The following SCIN variants were observed in gnomAD, a reference collection of about 807,000 sequenced individuals.
SCIN encodes scinderin.
In SCIN, 91 loss-of-function variants were observed where a neutral mutation model predicts 91.8. The ratio of observed to expected loss-of-function variants is 0.99; its 90% confidence interval spans 0.84 to 1.18. The LOEUF (loss-of-function observed/expected upper bound fraction) is 1.18. Ranked by LOEUF, SCIN falls within the 50% of genes most tolerant of loss-of-function variation. SCIN has a pLI of 0.00. For missense variants in SCIN, 1,087 were observed against 863.9 expected (o/e 1.26, Z -3.24); for synonymous variants, 367 against 312.6 (o/e 1.17, Z -1.84).
chr7:12,640,785 G>A (rs1242537278), intron 11 of SCIN, among the ~76,000 whole-genome samples: 1 of 152,176 alleles, frequency 6.6e-6, no homozygotes, highest in Admixed American at 6.5e-5. Context: ...GCTGTCAAAA[G>A]CGTGAGGCTG....
intron 14 of SCIN, among the ~76,000 whole-genome samples, chr7:12,650,874 G>A (rs763038215): frequency 1.3e-5 from 2 of 151,990 alleles, no homozygotes; most frequent in Non-Finnish European, 2.9e-5. Flanking sequence ...AGGGAGTCTG[G>A]GATCACCCAC....
intron 4 of SCIN, among the ~76,000 whole-genome samples, chr7:12,612,425 T>C (rs1001245884): frequency 2.6e-5 from 4 of 152,194 alleles, no homozygotes; most frequent in Non-Finnish European, 4.4e-5. Flanking sequence ...AGAGATGAAC[T>C]ATCAGAGATA....
At chr7:12,582,654 T>C (rs965398408) in intron 3 of SCIN, among the ~76,000 whole-genome samples, 1 of 152,184 alleles carries the variant, frequency 6.6e-6, no homozygotes, top group African/African-American at 2.4e-5. Flanking sequence ...CTTTTCAACT[T>C]CAATAGCTAA....
At chr7:12,592,227 C>T (rs907257696) in intron 3 of SCIN, among the ~76,000 whole-genome samples, 2 of 151,892 alleles carry the variant, frequency 1.3e-5, no homozygotes, top group South Asian at 4.2e-4. Flanking sequence ...TTGGTAGCGA[C>T]GAGAGAGAGA....
chr7:12,613,678 G>A (rs1243175396), intron 4 of SCIN, among the ~76,000 whole-genome samples: 2 of 152,042 alleles, frequency 1.3e-5, no homozygotes, highest in African/African-American at 4.8e-5. Context: ...TATCAGAATT[G>A]CTGTTATGTT....
Position 12,651,775 on chromosome 7 carries a change from A to G in SCIN, c.1960-66A>G. 1 of 1,021,644 alleles carries G rather than the reference A, an allele frequency of 9.8e-7. No individual in the cohort carries two copies. The highest frequency in any genetic ancestry group is 1.4e-5 in the South Asian group (1 of 69,902). The allele number at this position is 1,021,644 out of a possible 1,614,324, so 63.3% of individuals were successfully genotyped here. Reference sequence around the variant, plus strand: ...GAGCAATGTGTGTGTGAAGCACTTTACATAGGGCCTAGCACTGAGTCAACA... The same window carrying G: ...GAGCAATGTGTGTGTGAAGCACTTTGCATAGGGCCTAGCACTGAGTCAACA... On this transcript the variant is annotated intron_variant, in intron 14 of 15. Coordinates refer to ENST00000297029, the MANE Select transcript of SCIN (RefSeq NM_001112706.3). The surrounding 1 kb of genome is among the most constrained non-coding windows in gnomAD (Gnocchi z 5.9).
intron 13 of SCIN, among the ~76,000 whole-genome samples, chr7:12,648,849 A>G (rs1784018456): frequency 6.6e-6 from 1 of 152,202 alleles, no homozygotes; most frequent in Non-Finnish European, 1.5e-5. Flanking sequence ...GCTTGAGGAT[A>G]GCCACCCAGA....
At chr7:12,634,342 G>A (rs111435021) in intron 9 of SCIN, among the ~76,000 whole-genome samples, 6,376 of 151,950 alleles carry the variant, frequency 0.042, 157 homozygotes, top group African/African-American at 0.071. Context: ...AAAATTAGCC[G>A]GGCATAGTGG....
intron 4 of SCIN, among the ~76,000 whole-genome samples, chr7:12,616,375 G>C (rs1216293024): frequency 6.6e-6 from 1 of 151,924 alleles, no homozygotes; most frequent in Non-Finnish European, 1.5e-5. Context: ...AGTGAGTTTG[G>C]CCCCTTCTTG....
intron 14 of SCIN, among the ~76,000 whole-genome samples, chr7:12,650,678 A>G (rs1476212554): frequency 6.6e-6 from 1 of 152,152 alleles, no homozygotes; most frequent in Admixed American, 6.5e-5. Flanking sequence ...TTTTTTCAGC[A>G]TTCAAGTACC....
chr7:12,604,774 T>A, intron 4 of SCIN, 111 bp downstream of exon 4: 49 of 782,572 alleles, frequency 6.3e-5, no homozygotes, highest in Non-Finnish European at 8.9e-5. Flanking sequence ...GGAAAGAGAT[T>A]CAACACATGT....
Position 12,626,621 on chromosome 7 carries a change from TCAAA to T in SCIN, c.1022_1025del (p.Lys341SerfsTer27), listed in dbSNP as rs1783526660. ...CCAGAAGGAGGTGAAACACCAATCT[TCAAA>T]CAGTTTTTTAAGGACTGGAGAGATA... On this transcript the variant is annotated frameshift_variant, in exon 8 of 16. Transcript: ENST00000297029. LOFTEE classifies it high-confidence loss of function. 4 of 1,551,924 alleles carry T rather than the reference TCAAA, an allele frequency of 2.6e-6. No individual in the cohort carries two copies. In the South Asian group the frequency reaches 4.8e-5, roughly 18 times the overall value.
intron 13 of SCIN, among the ~76,000 whole-genome samples, chr7:12,646,264 T>G (rs922086990): frequency 6.6e-6 from 1 of 152,228 alleles, no homozygotes; most frequent in Non-Finnish European, 1.5e-5. Context: ...CATTTATTTT[T>G]CATGGTTCTG....
chr7:12,594,174 G>A (rs933876217), intron 3 of SCIN, among the ~76,000 whole-genome samples: 3 of 152,082 alleles, frequency 2.0e-5, no homozygotes, highest in Non-Finnish European at 2.9e-5. Context: ...GAAGTGGGTT[G>A]GTTGGAGAGA....
chr7:12,599,659 T>A (rs2115244640), intron 3 of SCIN, among the ~76,000 whole-genome samples: 1 of 152,270 alleles, frequency 6.6e-6, no homozygotes, highest in Admixed American at 6.5e-5. Context: ...GTGTTCCCTT[T>A]CACCACACCC....
chr7:12,594,140 G>A (rs1241070038), intron 3 of SCIN, among the ~76,000 whole-genome samples: 4 of 152,136 alleles, frequency 2.6e-5, no homozygotes, highest in African/African-American at 9.7e-5. Context: ...GGTGAGGGGA[G>A]GAGGCAGAGA....
chr7:12,620,273 CCAT>C (rs977128584), intron 4 of SCIN, among the ~76,000 whole-genome samples: 2 of 152,006 alleles, frequency 1.3e-5, no homozygotes, highest in African/African-American at 2.4e-5. Flanking sequence ...ATAACTGTAA[CCAT>C]CATACTATAC....
At chr7:12,590,534 G>A (rs1782698109) in intron 3 of SCIN, among the ~76,000 whole-genome samples, 1 of 152,048 alleles carries the variant, frequency 6.6e-6, no homozygotes, top group Non-Finnish European at 1.5e-5. Context: ...AGGGGAGGAC[G>A]AGCTTTTGAT....
chr7:12,623,617 C>G (rs1783454372), intron 5 of SCIN, among the ~76,000 whole-genome samples: 2 of 152,098 alleles, frequency 1.3e-5, no homozygotes, highest in Admixed American at 1.3e-4. Flanking sequence ...CCAGTGTTCC[C>G]TCCCCTTGCA....
Sources: gnomAD v4.1 joint callset for allele counts (sites outside exome capture counted in the v4.1 genomes callset) on GRCh38, gnomAD v4.1.1 for gene constraint, Gnocchi (gnomAD v3.1) non-coding constraint, MANE v1.5 for transcripts, NCBI Gene and HGNC (gene_info 2026-07-23, HGNC 2026-07-21) for gene names.